The following CNTNAP2 variants were observed in gnomAD, a reference collection of about 807,000 sequenced individuals.
CNTNAP2 encodes the protein contactin-associated protein-like 2.
CNTNAP2 carries 98 observed loss-of-function variants against 155.2 expected under a neutral mutation model. The observed-to-expected ratio is 0.63, with a 90% CI of 0.54 to 0.75. The LOEUF is 0.75. Ranked by LOEUF, CNTNAP2 falls within the 30% of genes least tolerant of loss-of-function variation. The pLI, the probability that CNTNAP2 is intolerant of heterozygous loss-of-function variation, is 0.00. For missense variants in CNTNAP2, 1,727 were observed against 1,688.1 expected (o/e 1.02, Z -0.40); for synonymous variants, 651 against 631.2 (o/e 1.03, Z -0.47).
intron 1 of CNTNAP2, among the ~76,000 whole-genome samples, chr7:146,559,518 G>A (rs1798249382): frequency 6.6e-6 from 1 of 151,818 alleles, no homozygotes; most frequent in Non-Finnish European, 1.5e-5. Context: ...GCAGGGAGCC[G>A]AGATCACGCC....
intron 14 of CNTNAP2, among the ~76,000 whole-genome samples, chr7:147,972,943 G>A (rs778462402): frequency 2.4e-4 from 36 of 151,948 alleles, no homozygotes; most frequent in Non-Finnish European, 4.3e-4. Context: ...GTGAAGCCAG[G>A]AGTTTGGGAC....
rs1056414714 is a variant in CNTNAP2, at chr7:146,849,349, A to T, written c.402+9445A>T. On this transcript the variant is annotated intron_variant, in intron 3 of 23. Coordinates refer to ENST00000361727, the MANE Select transcript of CNTNAP2 (RefSeq NM_014141.6). Reference sequence around the variant, plus strand: ...AGAACCATGATGTCCCTTAAACTGGAACCTTGAATCCAGGTATACTGACCT... The same window carrying T: ...AGAACCATGATGTCCCTTAAACTGGTACCTTGAATCCAGGTATACTGACCT... Among the ~76,000 whole-genome samples, 3 of 152,182 alleles carry T rather than the reference A, an allele frequency of 2.0e-5. No homozygotes were observed. In the East Asian group the frequency reaches 5.8e-4, roughly 29 times the overall value.
chr7:146,483,108 C>G (rs1796989747), intron 1 of CNTNAP2, among the ~76,000 whole-genome samples: 1 of 150,490 alleles, frequency 6.6e-6, no homozygotes, highest in East Asian at 2.0e-4. Context: ...AACCCCGTCT[C>G]TACTAAAAAT....
At chr7:147,270,168 AG>A (rs1285086475) in intron 8 of CNTNAP2, among the ~76,000 whole-genome samples, 4 of 152,210 alleles carry the variant, frequency 2.6e-5, no homozygotes, top group Non-Finnish European at 5.9e-5. Flanking sequence ...GAAAGCAAAA[AG>A]TCATGAGTCA....
chr7:147,174,562 ACT>A (rs1802296932), intron 8 of CNTNAP2, among the ~76,000 whole-genome samples: 1 of 152,184 alleles, frequency 6.6e-6, no homozygotes. Context: ...AGGAACCGTG[ACT>A]TAGAAACTCT....
chr7:146,898,240 A>G (rs1350433170), intron 3 of CNTNAP2, among the ~76,000 whole-genome samples: 6 of 152,098 alleles, frequency 3.9e-5, no homozygotes, highest in Admixed American at 3.3e-4. Flanking sequence ...TTTACAAATT[A>G]AAAAATAGAG....
intron 10 of CNTNAP2, among the ~76,000 whole-genome samples, chr7:147,416,004 G>A (rs1411809398): frequency 1.3e-5 from 2 of 152,188 alleles, no homozygotes; most frequent in East Asian, 3.9e-4. Flanking sequence ...GAGCTGTATT[G>A]CACTTATCTG....
rs369516646 is a variant in CNTNAP2 at position 146,437,065 on chromosome 7, T to A, written c.97+320092T>A. Reference sequence around the variant, plus strand: ...GGAGGTGAGCGGTGGCAAGTGAGCATTACTGTCTGAGCTCACCTCCCTTTA... The same window carrying A: ...GGAGGTGAGCGGTGGCAAGTGAGCAATACTGTCTGAGCTCACCTCCCTTTA... On this transcript the variant is annotated intron_variant, in intron 1 of 23. Transcript: ENST00000361727. Among the ~76,000 whole-genome samples, 4 of 151,534 alleles carry A rather than the reference T, an allele frequency of 2.6e-5. No homozygotes were observed. The East Asian group carries it at 7.7e-4, about 29-fold the overall frequency.
rs1563101815 is a variant in CNTNAP2 at position 146,483,324 on chromosome 7, T to TATATATATATAC, written c.98-290942_98-290941insTATATACATATA. On this transcript the variant is annotated intron_variant, in intron 1 of 23. Transcript: ENST00000361727. ...ATATATATATATATATATATATATA[T>TATATATATATAC]ATATACATATATATATATTTAAGCA... 1.1e-4 allele frequency among the ~76,000 whole-genome samples: 9 copies of TATATATATATAC among 83,790 alleles called. 1 individual carries two copies. The East Asian group carries it at 2.0e-3, about 18-fold the overall frequency. 55.0% of individuals were successfully genotyped at this position (83,790 alleles called of 152,430 possible).
intron 1 of CNTNAP2, among the ~76,000 whole-genome samples, chr7:146,493,712 G>A (rs888110620): frequency 6.6e-6 from 1 of 151,820 alleles, no homozygotes; most frequent in African/African-American, 2.4e-5. Context: ...TGTGTTCTTG[G>A]TAAAAACAGA....
At chr7:146,420,472 T>G (rs993259617) in intron 1 of CNTNAP2, among the ~76,000 whole-genome samples, 10 of 152,086 alleles carry the variant, frequency 6.6e-5, no homozygotes, top group Non-Finnish European at 1.5e-4. Flanking sequence ...TTTTTCAATC[T>G]AAGTTTTAAG....
At chr7:147,229,102 C>A (rs1803620268) in intron 8 of CNTNAP2, among the ~76,000 whole-genome samples, 1 of 151,992 alleles carries the variant, frequency 6.6e-6, no homozygotes, top group African/African-American at 2.4e-5. Context: ...ATATGCAAAT[C>A]TAACCTGGGA....
chr7:146,273,767 G>A (rs927144239), intron 1 of CNTNAP2, among the ~76,000 whole-genome samples: 5 of 152,238 alleles, frequency 3.3e-5, no homozygotes, highest in East Asian at 3.9e-4. Flanking sequence ...TTTTAAGGAC[G>A]ACCCTTTTAC....
At chr7:147,858,982 A>C (rs17234406) in intron 13 of CNTNAP2, among the ~76,000 whole-genome samples, 6,739 of 152,292 alleles carry the variant, frequency 0.044, 272 homozygotes, top group Admixed American at 0.12. Flanking sequence ...AGGCTATGTC[A>C]GAACTCCTCT....
chr7:147,812,035 G>A (rs1246463567), intron 13 of CNTNAP2, among the ~76,000 whole-genome samples: 1 of 152,166 alleles, frequency 6.6e-6, no homozygotes, highest in Non-Finnish European at 1.5e-5. Flanking sequence ...AAGGAGCCTG[G>A]AGTTGTGAGG....
intron 8 of CNTNAP2, among the ~76,000 whole-genome samples, chr7:147,203,318 C>G (rs1389975086): frequency 1.3e-5 from 2 of 152,098 alleles, no homozygotes; most frequent in African/African-American, 4.8e-5. Context: ...GATCTTGGCT[C>G]ACTGCAAACT....
Position 147,775,321 on chromosome 7 carries a change from ATTT to A in CNTNAP2, c.2099-128243_2099-128241del, listed in dbSNP as rs1563084550. On this transcript the variant is annotated intron_variant, in intron 13 of 23. Coordinates refer to ENST00000361727, the MANE Select transcript of CNTNAP2 (RefSeq NM_014141.6). ...TATATATATTTATAAATATATATAT[ATTT>A]ATATATATTTATAAATATATATATT... Among the ~76,000 whole-genome samples, 49 of 34,888 alleles carry A rather than the reference ATTT, an allele frequency of 1.4e-3. 2 individuals are homozygous for A. The African/African-American group carries it at 0.018, about 13-fold the overall frequency. The allele number at this position is 34,888 out of a possible 152,430, so 22.9% of individuals were successfully genotyped here.
At chr7:148,253,518 T>C (rs2116819936) in intron 20 of CNTNAP2, among the ~76,000 whole-genome samples, 1 of 152,356 alleles carries the variant, frequency 6.6e-6, no homozygotes, top group African/African-American at 2.4e-5. Flanking sequence ...GCTGGGAACA[T>C]CTGCACGTCA....
chr7:147,849,888 A>C lies in CNTNAP2; in HGVS notation c.2099-53677A>C, dbSNP rs139383371. ...CAAAAATGGAAGAGGCAACCTGTCTATGGCCTTACCATCCCGAATATGCCT... is the reference window on the plus strand; with the variant it reads ...CAAAAATGGAAGAGGCAACCTGTCTCTGGCCTTACCATCCCGAATATGCCT... On this transcript the variant is annotated intron_variant, in intron 13 of 23. Coordinates refer to ENST00000361727, the MANE Select transcript of CNTNAP2 (RefSeq NM_014141.6). 3.2e-4 allele frequency: 49 copies of C among 152,400 alleles called. 1 individual carries two copies. The highest frequency in any genetic ancestry group is 1.0e-3 in the African/African-American group (42 of 41,596). 9.4% of individuals were successfully genotyped at this position (152,400 alleles called of 1,614,324 possible).
Sources: gnomAD v4.1 joint callset for allele counts (sites outside exome capture counted in the v4.1 genomes callset) on GRCh38, gnomAD v4.1.1 for gene constraint, MANE v1.5 for transcripts, NCBI Gene and HGNC (gene_info 2026-07-23, HGNC 2026-07-21) for gene names.